PRKN: variants seen among roughly 807,000 people sequenced by gnomAD.
The protein encoded by PRKN is parkin RBR E3 ubiquitin protein ligase.
Under a neutral mutation model 59.5 loss-of-function variants are expected in PRKN, and 56 were observed. The observed-to-expected ratio is 0.94, with a 90% CI of 0.76 to 1.18. PRKN has a LOEUF of 1.18. Among genes scored for constraint, PRKN ranks in the 50% most tolerant of loss-of-function variants. The pLI is 0.00. For missense variants in PRKN, 657 were observed against 596.4 expected, an observed-to-expected ratio of 1.10 and a Z score of -1.06; for synonymous variants, 250 against 222.1, an observed-to-expected ratio of 1.13 and a Z score of -1.12.
At chr6:162,294,544 G>A (rs546342832) in intron 2 of PRKN, among the ~76,000 whole-genome samples, 1 of 152,256 alleles carries the variant, frequency 6.6e-6, no homozygotes, top group African/African-American at 2.4e-5. Context: ...ACAGGACTGA[G>A]TAAAACAAAA....
At chr6:162,484,034 C>T (rs2128183040) in intron 1 of PRKN, among the ~76,000 whole-genome samples, 2 of 152,142 alleles carry the variant, frequency 1.3e-5, no homozygotes, top group Admixed American at 1.3e-4. Context: ...ATTTGATCAT[C>T]TGTATTAAAA....
chr6:161,994,636 C>G (rs1256840453), intron 5 of PRKN, among the ~76,000 whole-genome samples: 1 of 151,750 alleles, frequency 6.6e-6, no homozygotes, highest in East Asian at 1.9e-4. Flanking sequence ...ACAAAATCAA[C>G]ATGCAAAAAT....
intron 1 of PRKN, among the ~76,000 whole-genome samples, chr6:162,606,776 G>T (rs1781937199): frequency 6.6e-6 from 1 of 152,158 alleles, no homozygotes; most frequent in Admixed American, 6.5e-5. Flanking sequence ...GGGTGCAGTG[G>T]TGCAACCTTG....
At chr6:162,497,643 A>C (rs1407926080) in intron 1 of PRKN, among the ~76,000 whole-genome samples, 1 of 152,196 alleles carries the variant, frequency 6.6e-6, no homozygotes. Context: ...GCCTGAATAA[A>C]GCTCTGCAAT....
chr6:161,782,046 G>C (rs552108707), intron 7 of PRKN, among the ~76,000 whole-genome samples: 1 of 152,286 alleles, frequency 6.6e-6, no homozygotes, highest in South Asian at 2.1e-4. Context: ...CTTTGGTGCA[G>C]TAACCCCTCT....
intron 7 of PRKN, among the ~76,000 whole-genome samples, chr6:161,679,780 A>G (rs1785243483): frequency 1.3e-5 from 1 of 79,418 alleles, no homozygotes; most frequent in Non-Finnish European, 2.2e-5. Context: ...TTTGAGATGG[A>G]GTCTCACTCT....
intron 7 of PRKN, among the ~76,000 whole-genome samples, chr6:161,601,739 C>A (rs374329813): frequency 1.3e-5 from 2 of 151,856 alleles, no homozygotes; most frequent in Non-Finnish European, 2.9e-5. Context: ...CCCGCCACCA[C>A]GCCTGGCTAA....
In PRKN at chr6:161,915,592, AT is replaced by A. The variant is rs1447030321; in HGVS notation, c.734+57709del. 2.0e-5 allele frequency among the ~76,000 whole-genome samples: 3 copies of A among 152,330 alleles called. No homozygotes were observed. In the East Asian group the frequency reaches 5.8e-4, roughly 29 times the overall value. On this transcript the variant is annotated intron_variant, in intron 6 of 11. Coordinates refer to ENST00000366898, the MANE Select transcript of PRKN (RefSeq NM_004562.3). ...TTGATCTCTGCTATGCGTGAGTGAC[AT>A]GGAAGACCCTGAATATGTTGTAGAA...
At chr6:161,996,460 C>T (rs1429648975) in intron 5 of PRKN, among the ~76,000 whole-genome samples, 1 of 151,838 alleles carries the variant, frequency 6.6e-6, no homozygotes, top group Admixed American at 6.6e-5. Context: ...GCTGATTTGC[C>T]AAAATGTGGT....
At chr6:161,600,632 T>C (rs1479012320) in intron 7 of PRKN, among the ~76,000 whole-genome samples, 1 of 152,202 alleles carries the variant, frequency 6.6e-6, no homozygotes, top group South Asian at 2.1e-4. Flanking sequence ...TTAATGCAGA[T>C]TGATGCTACA....
chr6:162,090,167 GGTGT>G (rs753748519), intron 4 of PRKN, among the ~76,000 whole-genome samples: 1 of 151,550 alleles, frequency 6.6e-6, no homozygotes, highest in Admixed American at 6.6e-5. Context: ...TCTGTGTACA[GGTGT>G]GTGTGTGTGT....
intron 1 of PRKN, among the ~76,000 whole-genome samples, chr6:162,692,658 G>T (rs1264650102): frequency 6.6e-6 from 1 of 151,820 alleles, no homozygotes; most frequent in Admixed American, 6.6e-5. Context: ...ATCATTGCTG[G>T]GAGAATTAGG....
intron 6 of PRKN, among the ~76,000 whole-genome samples, chr6:161,831,241 A>G (rs928724501): frequency 1.3e-5 from 2 of 152,222 alleles, no homozygotes; most frequent in African/African-American, 4.8e-5. Flanking sequence ...AACAAAACAC[A>G]ATGAAATAAA....
intron 1 of PRKN, among the ~76,000 whole-genome samples, chr6:162,716,408 T>C (rs1778722285): frequency 1.3e-5 from 2 of 152,216 alleles, no homozygotes; most frequent in Non-Finnish European, 2.9e-5. Flanking sequence ...TTAGTTATTA[T>C]TTACAAAGGA....
At chr6:161,866,868 A>C (rs1329221244) in intron 6 of PRKN, among the ~76,000 whole-genome samples, 5 of 152,168 alleles carry the variant, frequency 3.3e-5, no homozygotes, top group African/African-American at 9.7e-5. Context: ...GCTCTGGGAA[A>C]GGCCTCAGTT....
chr6:161,969,275 T>G (rs181713030), intron 6 of PRKN, among the ~76,000 whole-genome samples: 110 of 151,812 alleles, frequency 7.2e-4, no homozygotes, highest in Non-Finnish European at 1.3e-3. Flanking sequence ...TTTGTTTTTT[T>G]TTTTTTTTTT....
At chr6:161,886,748 A>T (rs1398815721) in intron 6 of PRKN, among the ~76,000 whole-genome samples, 6 of 76,882 alleles carry the variant, frequency 7.8e-5, no homozygotes, top group Admixed American at 1.5e-4. Context: ...TAAAATAATA[A>T]AATAAAAAAA....
chr6:161,759,182 A>C (rs961931385), intron 7 of PRKN, among the ~76,000 whole-genome samples: 5 of 152,072 alleles, frequency 3.3e-5, no homozygotes, highest in Non-Finnish European at 7.4e-5. Flanking sequence ...TAAAAAAAAA[A>C]AAAACAAAAT....
intron 7 of PRKN, among the ~76,000 whole-genome samples, chr6:161,650,364 G>A (rs1784107570): frequency 6.6e-6 from 1 of 152,170 alleles, no homozygotes. Flanking sequence ...TTTAAGGTAT[G>A]TTGATGTATT....
Sources: allele counts gnomAD v4.1 joint callset (sites outside exome capture counted in the v4.1 genomes callset), GRCh38; gene constraint gnomAD v4.1.1; transcripts MANE v1.5; gene names NCBI Gene and HGNC (gene_info 2026-07-23, HGNC 2026-07-21).